NAB1: variants seen among roughly 807,000 people sequenced by gnomAD.
The protein encoded by NAB1 is NGFI-A-binding protein 1.
NAB1 carries 25 observed loss-of-function variants against 49.9 expected under a neutral mutation model. That is an observed-to-expected ratio of 0.50 (90% confidence interval 0.37 to 0.70). NAB1 has a LOEUF of 0.70. NAB1 is among the 30% of genes least tolerant of loss of function. NAB1 has a pLI of 0.00. For missense variants in NAB1, 489 were observed against 575.9 expected, an observed-to-expected ratio of 0.85 and a Z score of 1.54; for synonymous variants, 198 against 215.6, an observed-to-expected ratio of 0.92 and a Z score of 0.71.
chr2:190,658,938 T>C (rs540890591), intron 3 of NAB1: 1 of 401,326 alleles, frequency 2.5e-6, no homozygotes, highest in African/African-American at 2.0e-5. Flanking sequence ...TGCTTACCAT[T>C]TATTCTCTTT....
At chr2:190,688,288 A>G (rs574475732) in intron 9 of NAB1, among the ~76,000 whole-genome samples, 1 of 152,344 alleles carries the variant, frequency 6.6e-6, no homozygotes, top group South Asian at 2.1e-4. Flanking sequence ...TCTAGATAGA[A>G]TGAATTATGT....
At position 190,663,505 on chromosome 2, in the gene NAB1, G is replaced by A. The variant is rs1355906146; in HGVS notation, c.819+3510G>A. 6.6e-6 allele frequency among the ~76,000 whole-genome samples: 1 copy of A among 152,166 alleles called. No homozygotes were observed. The highest frequency in any genetic ancestry group is 1.5e-5 in the Non-Finnish European group (1 of 68,038). The stretch of plus-strand genomic sequence containing the variant: ...GTGGCTGATTTTGAGCTACAATGGT[G>A]AGTTAAGTAGTTGTGACACAGGCTG... On this transcript the variant is annotated intron_variant, in intron 4 of 9. Coordinates refer to ENST00000337386, the MANE Select transcript of NAB1 (RefSeq NM_005966.4). The surrounding 1 kb of genome is among the most constrained non-coding windows in gnomAD (Gnocchi z 4.2).
At position 190,687,290 on chromosome 2, in the gene NAB1, C is replaced by G; in HGVS notation, c.1348C>G (p.Pro450Ala). ...GGATGGGGAGCTGAGCAGACTTTAC[C>G]CCAGTGAGGCAAAGTCCCACTCATC... ...VVDGELSRLY[P>A]SEAKSHSSES... The change falls in exon 9 of 10, where the codon CCC becomes GCC. Residue 450 changes from proline to alanine, a missense_variant. Pro to Ala is a conservative substitution (Grantham distance 27). Around this residue, in one of 4 missense-constraint regions of NAB1, gnomAD observed 212 missense variants for 199.3 expected, o/e 1.06. Coordinates refer to ENST00000337386, the MANE Select transcript of NAB1 (RefSeq NM_005966.4). The G allele has an allele frequency of 1.3e-6, 2 of 1,595,572 alleles. No individual in the cohort carries two copies. The highest frequency in any genetic ancestry group is 1.7e-6 in the Non-Finnish European group (2 of 1,174,246).
chr2:190,650,696 G>C (rs1693617129), intron 2 of NAB1, among the ~76,000 whole-genome samples: 2 of 152,192 alleles, frequency 1.3e-5, no homozygotes, highest in Non-Finnish European at 2.9e-5. Context: ...AGCTGCTTCT[G>C]ATCTAATCTG....
chr2:190,671,607 G>T (rs936561768), intron 5 of NAB1, among the ~76,000 whole-genome samples: 3 of 151,706 alleles, frequency 2.0e-5, no homozygotes, highest in African/African-American at 7.3e-5. Context: ...TTTAATCAAA[G>T]TGATACATGT....
chr2:190,662,158 T>C (rs1215346877), intron 4 of NAB1, among the ~76,000 whole-genome samples: 3 of 152,216 alleles, frequency 2.0e-5, no homozygotes, highest in Non-Finnish European at 2.9e-5. Context: ...ATATAAATTG[T>C]GTGGATACTG....
rs192004964 is a variant in NAB1, at chr2:190,689,923, G to C, written c.1376-322G>C. 9.2e-6 allele frequency among the ~76,000 whole-genome samples: 1 copy of C among 108,284 alleles called. No homozygotes were observed. 71.0% of individuals were successfully genotyped at this position (108,284 alleles called of 152,430 possible). On this transcript the variant is annotated intron_variant, in intron 9 of 9. Coordinates refer to ENST00000337386, the MANE Select transcript of NAB1 (RefSeq NM_005966.4). The surrounding 1 kb of genome is among the most constrained non-coding windows in gnomAD (Gnocchi z 4.3). ...ATGTGCATTTCATTATTTAACTTTC[G>C]TGCCACTTTATGTAGATACTATTCC...
chr2:190,671,769 CTTTTTTTTTTTTTTT>C (rs1177937369), intron 5 of NAB1, among the ~76,000 whole-genome samples: 2 of 71,722 alleles, frequency 2.8e-5, no homozygotes, highest in African/African-American at 1.2e-4. Flanking sequence ...TTCACCTTTC[CTTTTTTTTTTTTTTT>C]TTTTTTTTTT....
intron 4 of NAB1, among the ~76,000 whole-genome samples, chr2:190,662,526 C>T (rs1694279379): frequency 6.6e-6 from 1 of 151,930 alleles, no homozygotes; most frequent in South Asian, 2.1e-4. Context: ...TCGGCAGGTG[C>T]CAAGGGACAA....
rs918776304 is a variant in NAB1, at chr2:190,686,045, G to A, written c.1258+407G>A. ...CAGCATTTGGTTCTTAAAAGAATAT[G>A]GTGACTGCATCTAAAGTGTTATGAC... is the stretch of plus-strand genomic sequence containing the variant. On this transcript the variant is annotated intron_variant, in intron 8 of 9. Transcript: ENST00000337386. This position sits in a 1 kb window ranked among gnomAD's most constrained non-coding sequence, Gnocchi z 5.5. Among the ~76,000 whole-genome samples, 1 of 152,166 alleles carries A rather than the reference G, an allele frequency of 6.6e-6. No individual in the cohort carries two copies. Among genetic ancestry groups the A allele is most frequent in the Non-Finnish European group, 1.5e-5 (1 of 68,032 alleles).
In NAB1 at chr2:190,675,812, C is replaced by G. The variant is rs1268959769; in HGVS notation, c.1005+2660C>G. Among the ~76,000 whole-genome samples the G allele has an allele frequency of 6.6e-6, 1 of 152,106 alleles. No individual in the cohort carries two copies. Among genetic ancestry groups the G allele is most frequent in the Non-Finnish European group, 1.5e-5 (1 of 68,006 alleles). ...TTTTAATTTTGTTCTGTTCCTCTTT[C>G]TTAAAAAGCACTTGTGTATTGCAGG... On this transcript the variant is annotated intron_variant, in intron 6 of 9. Transcript: ENST00000337386. This position sits in a 1 kb window ranked among gnomAD's most constrained non-coding sequence, Gnocchi z 5.2.
intron 4 of NAB1, among the ~76,000 whole-genome samples, chr2:190,665,091 T>A (rs1694444162): frequency 6.6e-6 from 1 of 152,184 alleles, no homozygotes; most frequent in South Asian, 2.1e-4. Context: ...TTTGCCCTCA[T>A]TTTTAATTAC....
chr2:190,683,927 CT>C (rs779801762), intron 7 of NAB1, 100 bp downstream of exon 7: 277 of 888,778 alleles, frequency 3.1e-4, no homozygotes, highest in Non-Finnish European at 4.4e-4. Flanking sequence ...TGAGGCCTGA[CT>C]TTTTATTTCC....
Position 190,680,254 on chromosome 2 carries a change from G to C in NAB1, c.1006-3484G>C, listed in dbSNP as rs1468023350. Among the ~76,000 whole-genome samples, 1 of 152,202 alleles carries C rather than the reference G, an allele frequency of 6.6e-6. No individual in the cohort carries two copies. Among genetic ancestry groups the C allele is most frequent in the African/African-American group, 2.4e-5 (1 of 41,452 alleles). ...TGGCTTCTCTTTGTATTTAAGATAA[G>C]ATCTAAAATTCTTAACATAGCTTAC... On this transcript the variant is annotated intron_variant, in intron 6 of 9. Coordinates refer to ENST00000337386, the MANE Select transcript of NAB1 (RefSeq NM_005966.4). The surrounding 1 kb of genome is among the most constrained non-coding windows in gnomAD (Gnocchi z 5.2).
chr2:190,658,684 A>C (rs1454644499), intron 3 of NAB1, among the ~76,000 whole-genome samples: 1 of 152,226 alleles, frequency 6.6e-6, no homozygotes, highest in Non-Finnish European at 1.5e-5. Flanking sequence ...AAATGGGAAT[A>C]ACTGTACCTG....
At chr2:190,655,802 T>G (rs1693888895) in intron 2 of NAB1, among the ~76,000 whole-genome samples, 175 bp from the exon 3 acceptor site, 1 of 152,228 alleles carries the variant, frequency 6.6e-6, no homozygotes, top group Admixed American at 6.5e-5. Context: ...TTAGCACAGT[T>G]GGAATCTGGC....
rs747202740 is a variant in NAB1, at chr2:190,668,357, T to G, written c.820-1969T>G. Among the ~76,000 whole-genome samples, 58 of 152,188 alleles carry G rather than the reference T, an allele frequency of 3.8e-4. 2 individuals carry two copies. The highest frequency in any genetic ancestry group is 4.0e-4 in the Non-Finnish European group (27 of 68,036). ...CTATGGAAAACTGGAGGTAGTTTGA[T>G]GTCCAGAGTGAAGGTAGTTTAAATA... On this transcript the variant is annotated intron_variant, in intron 4 of 9. Transcript: ENST00000337386.
In NAB1 at chr2:190,677,190, C is replaced by T. The variant is rs1695116557; in HGVS notation, c.1005+4038C>T. The T allele has an allele frequency of 6.6e-6, 1 of 151,846 alleles. No homozygotes were observed. The highest frequency in any genetic ancestry group is 2.4e-5 in the African/African-American group (1 of 41,262). The allele number at this position is 151,846 out of a possible 1,614,324, so 9.4% of individuals were successfully genotyped here. A position where few individuals can be genotyped will look rare whatever the true frequency, so the allele number is the denominator to read the frequency against. The stretch of plus-strand genomic sequence containing the variant: ...GTTGTTCCCCCTTAAAGGATAGTTA[C>T]TTATTTGATTTAAAAAAAAAATAGC... On this transcript the variant is annotated intron_variant, in intron 6 of 9. Transcript: ENST00000337386. This position sits in a 1 kb window ranked among gnomAD's most constrained non-coding sequence, Gnocchi z 5.6.
chr2:190,681,121 T>C (rs886580435), intron 6 of NAB1, among the ~76,000 whole-genome samples: 4 of 152,190 alleles, frequency 2.6e-5, no homozygotes, highest in Non-Finnish European at 5.9e-5. Flanking sequence ...GAAATGCCTG[T>C]GTTTTTGTGA....
Sources: allele counts gnomAD v4.1 joint callset (sites outside exome capture counted in the v4.1 genomes callset), GRCh38; gene constraint gnomAD v4.1.1; regional missense constraint gnomAD v4.1.1; non-coding constraint Gnocchi (gnomAD v3.1); transcripts MANE v1.5; gene names NCBI Gene and HGNC (gene_info 2026-07-23, HGNC 2026-07-21).